The following VWA3B variants were observed in gnomAD, a reference collection of about 807,000 sequenced individuals.
The protein encoded by VWA3B is von Willebrand factor A domain-containing protein 3B.
VWA3B carries 138 observed loss-of-function variants against 158.3 expected under a neutral mutation model. The ratio of observed to expected loss-of-function variants is 0.87; its 90% CI spans 0.76 to 1.00. VWA3B has a LOEUF of 1.00. VWA3B is among the 50% of genes least tolerant of loss of function. The probability of loss-of-function intolerance (pLI) is 0.00; values close to 1 mark genes in which losing one functional copy is unlikely to be tolerated. For synonymous variants in VWA3B, 596 were observed against 587.3 expected, an observed-to-expected ratio of 1.01 and a Z score of -0.21; for missense variants, 1,555 against 1,565.1, an observed-to-expected ratio of 0.99 and a Z score of 0.11.
In VWA3B at chr2:98,106,166, C is replaced by T. The variant is rs1006971005; in HGVS notation, c.197-9486C>T. On this transcript the variant is annotated intron_variant, in intron 2 of 27. Transcript: ENST00000477737. ...TCCTGACCTCATGATCCGCCCACCT[C>T]GGCCTCCCAAAGTGCTGGGATTACA... Among the ~76,000 whole-genome samples the T allele has an allele frequency of 1.2e-4, 18 of 152,204 alleles. 1 individual carries two copies. In the East Asian group the frequency reaches 1.4e-3, roughly 11 times the overall value.
chr2:98,248,738 C>T (rs1686558910), intron 19 of VWA3B, among the ~76,000 whole-genome samples: 1 of 152,138 alleles, frequency 6.6e-6, no homozygotes, highest in Non-Finnish European at 1.5e-5. Flanking sequence ...CAACAACACT[C>T]ATATGTTTAC....
chr2:98,111,528 C>T (rs1040716809), intron 2 of VWA3B, among the ~76,000 whole-genome samples: 5 of 152,230 alleles, frequency 3.3e-5, no homozygotes, highest in Admixed American at 2.6e-4. Context: ...AGTGTATAAG[C>T]ATTCCCTTTT....
intron 7 of VWA3B, among the ~76,000 whole-genome samples, chr2:98,136,329 T>G (rs1676280545): frequency 6.6e-6 from 1 of 152,226 alleles, no homozygotes. Flanking sequence ...CACCACCCTT[T>G]TCATCTTCCC....
At chr2:98,321,180 G>GT in the VWA3B span, among the ~76,000 whole-genome samples, 2 of 152,234 alleles carry the variant, frequency 1.3e-5, no homozygotes, top group Non-Finnish European at 2.9e-5. Context: ...AAGAACTGAA[G>GT]TTTTGGAACC....
At chr2:98,305,936 C>T (rs1184111403) in intron 26 of VWA3B, among the ~76,000 whole-genome samples, 2 of 152,150 alleles carry the variant, frequency 1.3e-5, no homozygotes, top group Admixed American at 6.5e-5. Flanking sequence ...CACAGCTTAG[C>T]TTCTTGTTGG....
chr2:98,162,120 C>G (rs1261333546), intron 7 of VWA3B, among the ~76,000 whole-genome samples: 1 of 152,136 alleles, frequency 6.6e-6, no homozygotes, highest in Non-Finnish European at 1.5e-5. Flanking sequence ...TCACCGTGCA[C>G]CTCTGCATGG....
intron 8 of VWA3B, among the ~76,000 whole-genome samples, chr2:98,174,593 C>G (rs537800974): frequency 2.5e-4 from 38 of 152,244 alleles, no homozygotes; most frequent in African/African-American, 8.7e-4. Flanking sequence ...AAGAGGTAAA[C>G]CAAAACACTT....
intron 1 of VWA3B, among the ~76,000 whole-genome samples, chr2:98,092,746 C>T (rs774801561): frequency 3.0e-4 from 43 of 143,932 alleles, no homozygotes; most frequent in Non-Finnish European, 5.7e-4. Context: ...AAGGCAAAAA[C>T]CACACATACT....
chr2:98,162,809 G>T, intron 7 of VWA3B, 42 bp from the exon 8 acceptor site: 1 of 1,608,484 alleles, frequency 6.2e-7, no homozygotes, highest in Non-Finnish European at 8.5e-7. Flanking sequence ...ACATTCCTGG[G>T]CCTGTCTCAG....
At chr2:98,193,173 A>G in intron 11 of VWA3B, 137 bp downstream of exon 11, 1 of 1,163,650 alleles carries the variant, frequency 8.6e-7, no homozygotes. Flanking sequence ...TTAGTTAAAG[A>G]ATCATCAGTT....
intron 23 of VWA3B, among the ~76,000 whole-genome samples, chr2:98,294,203 C>CAAAAAAAAAAAAAAAAAAAA (rs751689571): frequency 1.8e-5 from 1 of 56,296 alleles, no homozygotes; most frequent in Admixed American, 2.1e-4. Flanking sequence ...CACACACACA[C>CAAAAAAAAAAAAAAAAAAAA]AAAAAAAAAA....
intron 19 of VWA3B, among the ~76,000 whole-genome samples, chr2:98,242,528 C>T (rs1686141260): frequency 6.6e-6 from 1 of 151,810 alleles, no homozygotes; most frequent in African/African-American, 2.4e-5. Flanking sequence ...GGAGAGTCTA[C>T]ATCATCACCC....
intron 14 of VWA3B, among the ~76,000 whole-genome samples, chr2:98,220,271 A>G (rs1234774782): frequency 3.3e-5 from 5 of 152,126 alleles, no homozygotes; most frequent in South Asian, 4.1e-4. Flanking sequence ...ACAGAAGGAA[A>G]ACCTTACCAG....
At chr2:98,199,495 T>C (rs1041311615) in intron 12 of VWA3B, among the ~76,000 whole-genome samples, 2 of 152,198 alleles carry the variant, frequency 1.3e-5, no homozygotes, top group African/African-American at 4.8e-5. Flanking sequence ...TTTCTTGTAC[T>C]AGCTCCCTGA....
chr2:98,256,933 C>T (rs1312495819), intron 21 of VWA3B, among the ~76,000 whole-genome samples: 1 of 151,914 alleles, frequency 6.6e-6, no homozygotes, highest in Non-Finnish European at 1.5e-5. Flanking sequence ...ATTTATTATC[C>T]CTTTGTGTTG....
intron 2 of VWA3B, among the ~76,000 whole-genome samples, chr2:98,108,443 G>A (rs1427476468): frequency 6.6e-6 from 1 of 152,126 alleles, no homozygotes; most frequent in Admixed American, 6.5e-5. Context: ...TGAGAAAGCA[G>A]TATTGAAGTT....
chr2:98,225,165 T>C (rs113206003), intron 14 of VWA3B, among the ~76,000 whole-genome samples: 7,203 of 152,308 alleles, frequency 0.047, 256 homozygotes, highest in Middle Eastern at 0.082. Flanking sequence ...AACTCCTGAC[T>C]TCATGTGATC....
chr2:98,187,878 A>C, intron 9 of VWA3B, 97 bp from the exon 10 acceptor site: 1 of 1,301,236 alleles, frequency 7.7e-7, no homozygotes, highest in Non-Finnish European at 1.0e-6. Flanking sequence ...GTGGAGTGCT[A>C]GGAGCCACTT....
intron 19 of VWA3B, among the ~76,000 whole-genome samples, chr2:98,246,584 G>A (rs1378442001): frequency 6.6e-6 from 1 of 151,904 alleles, no homozygotes; most frequent in Non-Finnish European, 1.5e-5. Flanking sequence ...GTTTCACCAT[G>A]TTGGCCAGGC....
Sources: gnomAD v4.1 joint callset for allele counts (sites outside exome capture counted in the v4.1 genomes callset) on GRCh38, gnomAD v4.1.1 for gene constraint, MANE v1.5 for transcripts, NCBI Gene and HGNC (gene_info 2026-07-23, HGNC 2026-07-21) for gene names.